C5AR1: variants seen among roughly 807,000 people sequenced by gnomAD.
The protein encoded by C5AR1 is complement C5a receptor 1.
A neutral mutation model predicts 2.4 loss-of-function variants in C5AR1; 4 were observed. That is an observed-to-expected ratio of 1.65 (90% CI 0.81 to 3.77). The LOEUF (loss-of-function observed/expected upper bound fraction) is 3.77, where lower values mean the gene tolerates loss of function less well. Ranked by LOEUF, C5AR1 falls within the 30% of genes most tolerant of loss-of-function variation. The pLI is 0.01. For missense variants in C5AR1, 418 were observed against 462.5 expected, an observed-to-expected ratio of 0.90 and a Z score of 0.88; for synonymous variants, 209 against 210.4, an observed-to-expected ratio of 0.99 and a Z score of 0.06.
intron 1 of C5AR1, among the ~76,000 whole-genome samples, chr19:47,318,881 A>T (rs200183713): frequency 9.3e-3 from 921 of 99,242 alleles, no homozygotes; most frequent in Admixed American, 0.011. Context: ...TTTTTGTTCT[A>T]TTTTTTTTTT....
chr19:47,318,881 ATTTTTTTTTTT>A (rs34790165), intron 1 of C5AR1, among the ~76,000 whole-genome samples: 2 of 99,368 alleles, frequency 2.0e-5, no homozygotes, highest in East Asian at 5.8e-4. Flanking sequence ...TTTTTGTTCT[ATTTTTTTTTTT>A]TTTTTTTTTT....
rs760139073 is a variant in C5AR1, at chr19:47,320,787, G to A, written c.1010G>A (p.Arg337His). ...GTTAGGGAGAGCAAGTCATTCACGCGCTCCACAGTGGACACTATGGCCCAG... is the reference window on the plus strand; with the variant it reads ...GTTAGGGAGAGCAAGTCATTCACGCACTCCACAGTGGACACTATGGCCCAG... ...SVVRESKSFTRSTVDTMAQKT... is the reference protein window; with the variant it reads ...SVVRESKSFTHSTVDTMAQKT... The change falls in exon 2 of 2, where the codon CGC becomes CAC. Residue 337 changes from arginine to histidine, a missense_variant. Coordinates refer to ENST00000355085, the MANE Select transcript of C5AR1 (RefSeq NM_001736.4). The surrounding 1 kb of genome is among the most constrained non-coding windows in gnomAD (Gnocchi z 4.9). The A allele has an allele frequency of 1.9e-6, 3 of 1,613,990 alleles. No individual in the cohort carries two copies. The highest frequency in any genetic ancestry group is 2.5e-6 in the Non-Finnish European group (3 of 1,180,002).
At chr19:47,309,977 T>C in intron 1 of C5AR1, 79 bp downstream of exon 1, 1 of 1,444,678 alleles carries the variant, frequency 6.9e-7, no homozygotes, top group Non-Finnish European at 9.6e-7. Context: ...TCCTTCTCTC[T>C]CCCCAACTCT....
chr19:47,319,736 C>G (rs759019807), intron 1 of C5AR1, 45 bp from the exon 2 acceptor site: 1 of 1,306,142 alleles, frequency 7.7e-7, no homozygotes, highest in East Asian at 2.3e-5. Context: ...TACCCGGGCA[C>G]ATGTCTGCAG....
intron 1 of C5AR1, among the ~76,000 whole-genome samples, chr19:47,312,843 A>C (rs2059275059): frequency 6.6e-6 from 1 of 151,948 alleles, no homozygotes; most frequent in African/African-American, 2.4e-5. Flanking sequence ...TAGATTTAAA[A>C]TTTTTTGTAG....
intron 1 of C5AR1, 92 bp from the exon 2 acceptor site, chr19:47,319,680 AAAGCCACAC>A (rs932807391): frequency 1.3e-6 from 1 of 741,380 alleles, no homozygotes; most frequent in African/African-American, 1.8e-5. Context: ...CTAGTGAGAA[AAAGCCACAC>A]AGGGGAAAAG....
chr19:47,316,828 A>G (rs1213074933), intron 1 of C5AR1, among the ~76,000 whole-genome samples: 1 of 151,618 alleles, frequency 6.6e-6, no homozygotes, highest in Non-Finnish European at 1.5e-5. Flanking sequence ...GTAAATGCCC[A>G]CTGCCCATAG....
rs201037165 is a variant in C5AR1 at position 47,320,040 on chromosome 19, C to T, written c.263C>T (p.Ala88Val). 133 of 1,614,104 alleles carry T rather than the reference C, an allele frequency of 8.2e-5. No individual in the cohort carries two copies. Among genetic ancestry groups the T allele is most frequent in the South Asian group, 6.6e-5 (6 of 91,092 alleles). The change falls in exon 2 of 2, where the codon GCG (alanine) becomes GTG (valine). Residue 88 changes from alanine (A) to valine (V), a missense_variant. Physicochemically the swap from Ala to Val is moderately conservative, Grantham distance 64. Transcript: ENST00000355085. The surrounding 1 kb of genome is among the most constrained non-coding windows in gnomAD (Gnocchi z 4.9). ...GTAGCCGACTTCCTCTCCTGCCTGG[C>T]GCTGCCCATCTTGTTCACGTCCATT... ...LAVADFLSCL[A>V]LPILFTSIVQ...
At chr19:47,316,267 T>C (rs1477511284) in intron 1 of C5AR1, among the ~76,000 whole-genome samples, 1 of 152,030 alleles carries the variant, frequency 6.6e-6, no homozygotes, top group Non-Finnish European at 1.5e-5. Context: ...TGAGCCACCA[T>C]GCCCAGCCCA....
intron 1 of C5AR1, among the ~76,000 whole-genome samples, chr19:47,313,225 C>G (rs1464453364): frequency 1.3e-5 from 2 of 152,090 alleles, no homozygotes; most frequent in African/African-American, 4.8e-5. Flanking sequence ...ATCCACCCGC[C>G]TCAGCCTCCC....
At chr19:47,310,616 G>T (rs1438791911) in intron 1 of C5AR1, among the ~76,000 whole-genome samples, 1 of 152,246 alleles carries the variant, frequency 6.6e-6, no homozygotes, top group East Asian at 1.9e-4. Context: ...TTAGCCTCCT[G>T]AGTATCTGGG....
At chr19:47,313,455 C>T (rs2059276949) in intron 1 of C5AR1, among the ~76,000 whole-genome samples, 2 of 151,818 alleles carry the variant, frequency 1.3e-5, no homozygotes, top group Admixed American at 1.3e-4. Flanking sequence ...GCCACTCAAA[C>T]AGAGGGCTCT....
chr19:47,315,752 C>T (rs541976687), intron 1 of C5AR1, among the ~76,000 whole-genome samples: 10 of 151,882 alleles, frequency 6.6e-5, no homozygotes, highest in Non-Finnish European at 8.8e-5. Context: ...GTGCTGGGAG[C>T]GGGCAATAGA....
chr19:47,316,190 T>G (rs1229619734), intron 1 of C5AR1, among the ~76,000 whole-genome samples: 1 of 152,000 alleles, frequency 6.6e-6, no homozygotes, highest in East Asian at 1.9e-4. Flanking sequence ...GTACTTTTAG[T>G]GGAGATGGGG....
At chr19:47,307,974 G>A (rs374246295), upstream of C5AR1, among the ~76,000 whole-genome samples, 44 of 151,988 alleles carry the variant, frequency 2.9e-4, no homozygotes, top group East Asian at 8.2e-3. Flanking sequence ...CAGCATTTTG[G>A]GAGGCTGAGG....
In C5AR1 at chr19:47,320,567, A is replaced by G; in HGVS notation, c.790A>G (p.Met264Val). The G allele has an allele frequency of 6.2e-7, 1 of 1,613,888 alleles. No individual in the cohort carries two copies. Among genetic ancestry groups the G allele is most frequent in the South Asian group, 1.1e-5 (1 of 91,062 alleles). ...FWLPYQVTGI[M>V]MSFLEPSSPT... Reference sequence around the variant, plus strand: ...GTTGCCCTACCAGGTGACGGGGATAATGATGTCCTTCCTGGAGCCATCGTC... The same window carrying G: ...GTTGCCCTACCAGGTGACGGGGATAGTGATGTCCTTCCTGGAGCCATCGTC... The change falls in exon 2 of 2, where the codon ATG becomes GTG. Residue 264 changes from methionine (M) to valine (V), a missense_variant. Met to Val is a conservative substitution (Grantham distance 21). Transcript: ENST00000355085. The surrounding 1 kb of genome is among the most constrained non-coding windows in gnomAD (Gnocchi z 4.9).
chr19:47,312,842 A>G (rs2059275049), intron 1 of C5AR1, among the ~76,000 whole-genome samples: 1 of 151,220 alleles, frequency 6.6e-6, no homozygotes, highest in East Asian at 2.0e-4. Flanking sequence ...CTAGATTTAA[A>G]ATTTTTTGTA....
chr19:47,320,299 C>G lies in C5AR1; in HGVS notation c.522C>G (p.Tyr174Ter), dbSNP rs1445483548. 6.2e-7 allele frequency: 1 copy of G among 1,611,746 alleles called. No homozygotes were observed. The highest frequency in any genetic ancestry group is 2.2e-5 in the East Asian group (1 of 44,880). ...ALLLTIPSFL[Y>*]RVVREEYFPP... Reference sequence around the variant, plus strand: ...TGCTGACCATACCCTCCTTCCTGTACCGGGTGGTCCGGGAGGAGTACTTTC... The same window carrying G: ...TGCTGACCATACCCTCCTTCCTGTAGCGGGTGGTCCGGGAGGAGTACTTTC... The change falls in exon 2 of 2, where the codon TAC becomes TAG. Residue 174 changes from tyrosine to a stop codon, truncating the protein, a stop_gained. Transcript: ENST00000355085. LOFTEE classifies it low-confidence loss of function (END_TRUNC). The surrounding 1 kb of genome is among the most constrained non-coding windows in gnomAD (Gnocchi z 4.9).
At chr19:47,308,074 G>T (rs187140949), upstream of C5AR1, among the ~76,000 whole-genome samples, 1 of 151,736 alleles carries the variant, frequency 6.6e-6, no homozygotes, top group Non-Finnish European at 1.5e-5. Context: ...TTAGCCGGGT[G>T]CAGTGGTAGG....
Sources: gnomAD v4.1 joint callset for allele counts (sites outside exome capture counted in the v4.1 genomes callset) on GRCh38, gnomAD v4.1.1 for gene constraint, Gnocchi (gnomAD v3.1) non-coding constraint, MANE v1.5 for transcripts, NCBI Gene and HGNC (gene_info 2026-07-23, HGNC 2026-07-21) for gene names.